TMC1: variants seen among roughly 807,000 people sequenced by gnomAD.
The protein encoded by TMC1 is transmembrane channel-like protein 1.
In TMC1, 84 loss-of-function variants were observed where a neutral mutation model predicts 105.8. The ratio of observed to expected loss-of-function variants is 0.79; its 90% CI spans 0.67 to 0.95. The LOEUF (loss-of-function observed/expected upper bound fraction) is 0.95, where lower values mean the gene tolerates loss of function less well. Ranked by LOEUF, TMC1 falls within the 40% of genes least tolerant of loss-of-function variation. The pLI is 0.00. For synonymous variants in TMC1, 315 were observed against 311.5 expected (o/e 1.01, Z -0.12); for missense variants, 817 against 914.1 (o/e 0.89, Z 1.37).
chr9:72,705,575 G>A (rs1405416958), intron 8 of TMC1, among the ~76,000 whole-genome samples: 1 of 152,132 alleles, frequency 6.6e-6, no homozygotes, highest in Non-Finnish European at 1.5e-5. Flanking sequence ...TCTACACAGT[G>A]TACTTCCATA....
intron 8 of TMC1, among the ~76,000 whole-genome samples, chr9:72,709,000 A>ATT (rs59517839): frequency 6.3e-5 from 9 of 142,824 alleles, no homozygotes; most frequent in Admixed American, 1.4e-4. Flanking sequence ...TTCTGTGTCT[A>ATT]TTTTTTTTTC....
intron 23 of TMC1, among the ~76,000 whole-genome samples, chr9:72,835,419 T>C (rs1025181477): frequency 1.3e-5 from 2 of 152,264 alleles, no homozygotes; most frequent in Non-Finnish European, 2.9e-5. Context: ...ACATCACATA[T>C]ACTAGCAGTG....
chr9:72,532,356 C>T (rs1337406170), intron 1 of TMC1, among the ~76,000 whole-genome samples: 1 of 151,730 alleles, frequency 6.6e-6, no homozygotes, highest in Non-Finnish European at 1.5e-5. Context: ...GCCTGACCAA[C>T]ATGGTGAAAC....
intron 2 of TMC1, among the ~76,000 whole-genome samples, chr9:72,611,478 G>T (rs994031437): frequency 6.6e-6 from 1 of 152,222 alleles, no homozygotes; most frequent in African/African-American, 2.4e-5. Flanking sequence ...CTGAGCATCA[G>T]TTAGGTCCCT....
At chr9:72,616,004 T>C (rs1214997351) in intron 2 of TMC1, among the ~76,000 whole-genome samples, 2 of 152,110 alleles carry the variant, frequency 1.3e-5, no homozygotes, top group Non-Finnish European at 2.9e-5. Context: ...GGCCCTAGCC[T>C]CCCAAAATGC....
intron 1 of TMC1, among the ~76,000 whole-genome samples, chr9:72,540,178 T>C (rs1263423208): frequency 3.3e-5 from 5 of 152,128 alleles, no homozygotes; most frequent in African/African-American, 1.2e-4. Flanking sequence ...ACCTCCAACA[T>C]TGGGATCAAA....
At chr9:72,544,541 G>A (rs1823732665) in intron 1 of TMC1, among the ~76,000 whole-genome samples, 1 of 144,964 alleles carries the variant, frequency 6.9e-6, no homozygotes, top group Non-Finnish European at 1.5e-5. Flanking sequence ...GTGCAGTGGT[G>A]CAATCTCGGC....
chr9:72,557,804 C>A (rs1021860154), intron 1 of TMC1, among the ~76,000 whole-genome samples: 1 of 152,128 alleles, frequency 6.6e-6, no homozygotes, highest in Non-Finnish European at 1.5e-5. Context: ...TCAAGTCTTC[C>A]GGTGTTTTGG....
At chr9:72,680,247 C>A (rs1826264877) in intron 5 of TMC1, among the ~76,000 whole-genome samples, 1 of 151,976 alleles carries the variant, frequency 6.6e-6, no homozygotes, top group African/African-American at 2.4e-5. Flanking sequence ...AATATGTATA[C>A]CACATTCTAT....
intron 12 of TMC1, among the ~76,000 whole-genome samples, chr9:72,766,690 G>A (rs1051503671): frequency 5.3e-5 from 8 of 152,140 alleles, no homozygotes; most frequent in Non-Finnish European, 1.2e-4. Flanking sequence ...TTGAGGGGCA[G>A]AGATCACTGT....
chr9:72,695,951 GTCCCATGTAT>G (rs1826543205), intron 7 of TMC1, among the ~76,000 whole-genome samples: 1 of 151,918 alleles, frequency 6.6e-6, no homozygotes, highest in Non-Finnish European at 1.5e-5. Flanking sequence ...CACATTTTAT[GTCCCATGTAT>G]TACTATGATT....
chr9:72,594,188 ACAG>A (rs1824683711), intron 2 of TMC1, among the ~76,000 whole-genome samples: 1 of 152,208 alleles, frequency 6.6e-6, no homozygotes, highest in Admixed American at 6.5e-5. Context: ...CCCTCATGAG[ACAG>A]CAGAAGACCT....
intron 12 of TMC1, among the ~76,000 whole-genome samples, chr9:72,756,534 C>T (rs547775470): frequency 3.3e-5 from 5 of 152,246 alleles, no homozygotes; most frequent in African/African-American, 1.2e-4. Context: ...ATCTCTCTCA[C>T]TTTCAAATTT....
intron 1 of TMC1, among the ~76,000 whole-genome samples, chr9:72,551,770 G>A (rs186263517): frequency 5.9e-5 from 9 of 152,230 alleles, no homozygotes; most frequent in Admixed American, 2.6e-4. Flanking sequence ...AGGTCATACC[G>A]GACTAGGGTG....
intron 8 of TMC1, among the ~76,000 whole-genome samples, chr9:72,709,000 A>AT (rs59517839): frequency 0.24 from 34,170 of 142,714 alleles, 4,172 homozygotes; most frequent in East Asian, 0.39. Flanking sequence ...TTCTGTGTCT[A>AT]TTTTTTTTTC....
At chr9:72,565,869 A>G (rs1466333182) in intron 1 of TMC1, among the ~76,000 whole-genome samples, 4 of 152,184 alleles carry the variant, frequency 2.6e-5, no homozygotes, top group African/African-American at 9.7e-5. Flanking sequence ...CCCATGATTC[A>G]ATTACCTCCC....
At chr9:72,685,362 ATTTTTT>A (rs35423971) in intron 5 of TMC1, among the ~76,000 whole-genome samples, 1 of 125,614 alleles carries the variant, frequency 8.0e-6, no homozygotes, top group East Asian at 2.3e-4. Flanking sequence ...CGCCTTGGCC[ATTTTTT>A]TTTTTTTTTT....
At chr9:72,634,284 C>T (rs1318879684) in intron 4 of TMC1, among the ~76,000 whole-genome samples, 1 of 152,128 alleles carries the variant, frequency 6.6e-6, no homozygotes, top group African/African-American at 2.4e-5. Flanking sequence ...AGAGACCAAT[C>T]TTAGATTTTG....
intron 6 of TMC1, among the ~76,000 whole-genome samples, chr9:72,689,930 A>C (rs1393818384): frequency 6.6e-6 from 1 of 151,984 alleles, no homozygotes; most frequent in African/African-American, 2.4e-5. Context: ...TTTGATTGAG[A>C]AGTTCAATCC....
Sources: allele counts gnomAD v4.1 joint callset (sites outside exome capture counted in the v4.1 genomes callset), GRCh38; gene constraint gnomAD v4.1.1; transcripts MANE v1.5; gene names NCBI Gene and HGNC (gene_info 2026-07-23, HGNC 2026-07-21).